UNC5D: variants seen among roughly 807,000 people sequenced by gnomAD.
UNC5D encodes the protein netrin receptor UNC5D.
UNC5D carries 39 observed loss-of-function variants against 105.4 expected under a neutral mutation model. The ratio of observed to expected loss-of-function variants is 0.37; its 90% CI spans 0.29 to 0.48. UNC5D has a LOEUF of 0.48. UNC5D is among the 20% of genes least tolerant of loss of function. The probability of loss-of-function intolerance (pLI) is 0.98; values close to 1 mark genes in which losing one functional copy is unlikely to be tolerated. For synonymous variants in UNC5D, 452 were observed against 450.4 expected, an observed-to-expected ratio of 1.00 and a Z score of -0.04; for missense variants, 991 against 1,202.4, an observed-to-expected ratio of 0.82 and a Z score of 2.60.
intron 3 of UNC5D, among the ~76,000 whole-genome samples, chr8:35,570,837 A>G (rs2130796677): frequency 6.6e-6 from 1 of 152,134 alleles, no homozygotes; most frequent in South Asian, 2.1e-4. Flanking sequence ...ATATGCCTAT[A>G]ATCCCAGCTA....
intron 1 of UNC5D, chr8:35,544,244 G>T: frequency 1.2e-6 from 1 of 861,576 alleles, no homozygotes. Context: ...ACATTCCTTA[G>T]CCTACCAAGG....
intron 1 of UNC5D, among the ~76,000 whole-genome samples, chr8:35,305,601 C>CTTTCA (rs1563297903): frequency 3.8e-4 from 55 of 145,654 alleles, no homozygotes; most frequent in African/African-American, 7.9e-4. Context: ...TTCTTTCTTT[C>CTTTCA]TTTCTTTCTT....
chr8:35,759,984 T>G (rs1382872096), intron 14 of UNC5D, among the ~76,000 whole-genome samples: 1 of 151,870 alleles, frequency 6.6e-6, no homozygotes, highest in Non-Finnish European at 1.5e-5. Flanking sequence ...TCAGGCAAGA[T>G]GGGAAGAAGA....
intron 1 of UNC5D, among the ~76,000 whole-genome samples, chr8:35,440,258 T>C (rs1162189723): frequency 7.0e-4 from 106 of 151,906 alleles, no homozygotes; most frequent in Non-Finnish European, 2.5e-4. Flanking sequence ...TGAGTGCATG[T>C]TGATGGTCTC....
chr8:35,585,098 A>C (rs2579904), intron 3 of UNC5D, among the ~76,000 whole-genome samples: 15,909 of 152,206 alleles, frequency 0.1, 882 homozygotes, highest in African/African-American at 0.14. Context: ...TATATCTATC[A>C]CCTTGGCAAC....
chr8:35,302,629 T>TA (rs1267138951), intron 1 of UNC5D, among the ~76,000 whole-genome samples: 4 of 152,298 alleles, frequency 2.6e-5, no homozygotes, highest in East Asian at 1.9e-4. Flanking sequence ...AAATTTCTTT[T>TA]AAAAAAATCT....
intron 1 of UNC5D, among the ~76,000 whole-genome samples, chr8:35,449,916 T>C (rs1239434211): frequency 1.2e-4 from 19 of 152,198 alleles, no homozygotes; most frequent in Non-Finnish European, 2.8e-4. Context: ...CCTACCCCTC[T>C]TCTCAGCTGT....
At chr8:35,495,458 C>CAA (rs71547636) in intron 1 of UNC5D, among the ~76,000 whole-genome samples, 82 of 44,568 alleles carry the variant, frequency 1.8e-3, no homozygotes, top group East Asian at 6.7e-3. Context: ...ACAACAACAA[C>CAA]AAAAAAAAAA....
intron 1 of UNC5D, among the ~76,000 whole-genome samples, chr8:35,460,355 A>G (rs1030699116): frequency 4.6e-5 from 7 of 152,180 alleles, no homozygotes; most frequent in Admixed American, 3.3e-4. Context: ...GAGCCAACTC[A>G]GGAATCCTCA....
chr8:35,497,872 C>A (rs1233570544), intron 1 of UNC5D, among the ~76,000 whole-genome samples: 2 of 151,686 alleles, frequency 1.3e-5, no homozygotes, highest in Non-Finnish European at 2.9e-5. Flanking sequence ...GAGTTTGAGA[C>A]CAGCCTGACC....
At position 35,342,524 on chromosome 8, in the gene UNC5D, T is replaced by C. The variant is rs562661894; in HGVS notation, c.103+106637T>C. Among the ~76,000 whole-genome samples the C allele has an allele frequency of 3.3e-5, 5 of 152,192 alleles. No homozygotes were observed. The South Asian group carries it at 1.0e-3, about 32-fold the overall frequency. The stretch of plus-strand genomic sequence containing the variant: ...GATTTGGTCTGTCAGATCTTAGAAG[T>C]TGCTTGTACATTTTGGGACAGATGT... On this transcript the variant is annotated intron_variant, in intron 1 of 16. Transcript: ENST00000404895.
At chr8:35,346,370 C>T (rs1004628778) in intron 1 of UNC5D, among the ~76,000 whole-genome samples, 5 of 151,942 alleles carry the variant, frequency 3.3e-5, no homozygotes, top group East Asian at 1.9e-4. Context: ...AATGTAAAAA[C>T]GTTGGTGATA....
intron 14 of UNC5D, among the ~76,000 whole-genome samples, chr8:35,760,285 C>T (rs756003595): frequency 5.9e-5 from 9 of 152,022 alleles, no homozygotes; most frequent in East Asian, 5.8e-4. Context: ...TCAGGTGATC[C>T]GCCCACCTCA....
chr8:35,314,405 T>C (rs1350887774), intron 1 of UNC5D, among the ~76,000 whole-genome samples: 1 of 152,148 alleles, frequency 6.6e-6, no homozygotes, highest in Admixed American at 6.6e-5. Flanking sequence ...TTCCATTCAA[T>C]TTTTGTATCG....
chr8:35,356,359 C>T (rs1245980482), intron 1 of UNC5D, among the ~76,000 whole-genome samples: 1 of 152,118 alleles, frequency 6.6e-6, no homozygotes, highest in Non-Finnish European at 1.5e-5. Context: ...GGGATACATT[C>T]TACAATCCCC....
intron 4 of UNC5D, among the ~76,000 whole-genome samples, chr8:35,633,850 T>C (rs890000734): frequency 6.6e-6 from 1 of 152,130 alleles, no homozygotes; most frequent in African/African-American, 2.4e-5. Context: ...AGGGATGTGG[T>C]ATCACAGAGC....
Position 35,441,859 on chromosome 8 carries a change from C to T in UNC5D, c.104-107433C>T, listed in dbSNP as rs772690592. ...TGACCATTATTCATCTAATAAGAAG[C>T]GGGACAACCAACAAGAAGCAGAAAT... On this transcript the variant is annotated intron_variant, in intron 1 of 16. Transcript: ENST00000404895. Among the ~76,000 whole-genome samples, 13 of 151,478 alleles carry T rather than the reference C, an allele frequency of 8.6e-5. 1 individual carries two copies. Among genetic ancestry groups the T allele is most frequent in the South Asian group, 8.3e-4 (4 of 4,806 alleles).
intron 1 of UNC5D, among the ~76,000 whole-genome samples, chr8:35,527,151 C>A (rs551141834): frequency 6.6e-6 from 1 of 151,386 alleles, no homozygotes; most frequent in East Asian, 1.9e-4. Context: ...CAAACTGAGA[C>A]TTTTATGATT....
At chr8:35,583,719 GC>G (rs1377142545) in intron 3 of UNC5D, among the ~76,000 whole-genome samples, 2 of 152,174 alleles carry the variant, frequency 1.3e-5, no homozygotes, top group Non-Finnish European at 2.9e-5. Context: ...AAACAAGGCA[GC>G]AGAGAATTTC....
Sources: gnomAD v4.1 joint callset for allele counts (sites outside exome capture counted in the v4.1 genomes callset) on GRCh38, gnomAD v4.1.1 for gene constraint, MANE v1.5 for transcripts, NCBI Gene and HGNC (gene_info 2026-07-23, HGNC 2026-07-21) for gene names.